PACS1: variants seen among roughly 807,000 people sequenced by gnomAD.
PACS1 encodes the protein PACS-1.
PACS1 carries 24 observed loss-of-function variants against 115.0 expected under a neutral mutation model. The observed-to-expected ratio is 0.21, with a 90% CI of 0.15 to 0.29. The LOEUF is 0.29. PACS1 is among the 10% of genes least tolerant of loss of function. The pLI is 1.00. For missense variants in PACS1, 838 were observed against 1,251.2 expected, an observed-to-expected ratio of 0.67 and a Z score of 4.98; for synonymous variants, 453 against 504.5, an observed-to-expected ratio of 0.90 and a Z score of 1.37.
At chr11:66,157,196 C>G (rs986898820) in intron 1 of PACS1, among the ~76,000 whole-genome samples, 2 of 152,126 alleles carry the variant, frequency 1.3e-5, no homozygotes, top group Non-Finnish European at 2.9e-5. Context: ...CCCTCCCCAA[C>G]CCCACTAAAA....
intron 1 of PACS1, chr11:66,121,178 C>G: frequency 2.3e-6 from 1 of 428,700 alleles, no homozygotes; most frequent in Admixed American, 2.5e-5. Flanking sequence ...GTGTTGGTTA[C>G]GGTGATCAGT....
chr11:66,241,806 C>T (rs1448218058), intron 22 of PACS1, among the ~76,000 whole-genome samples, 153 bp downstream of exon 22: 1 of 152,228 alleles, frequency 6.6e-6, no homozygotes, highest in Non-Finnish European at 1.5e-5. Context: ...CCCACCTCCC[C>T]TCGAGGGACA....
At chr11:66,194,314 T>C (rs1854600115) in intron 2 of PACS1, among the ~76,000 whole-genome samples, 1 of 152,216 alleles carries the variant, frequency 6.6e-6, no homozygotes, top group South Asian at 2.1e-4. Context: ...GATTGTTATT[T>C]CAGACTTGGC....
In PACS1 at chr11:66,219,813, C is replaced by T. The variant is rs1452491283; in HGVS notation, c.1038+8C>T. The T allele has an allele frequency of 1.5e-5, 24 of 1,600,608 alleles. No homozygotes were observed. The highest frequency in any genetic ancestry group is 2.0e-5 in the Non-Finnish European group (23 of 1,167,756). ...TTTAAAGTTTCAGATGAGGTATGGC[C>T]TCTTACTCCCAAGGTTAATGGTGAG... On this transcript the variant is annotated splice_region_variant and intron_variant, in intron 8 of 23. Transcript: ENST00000320580.
intron 1 of PACS1, among the ~76,000 whole-genome samples, chr11:66,169,730 T>C (rs1423484553): frequency 6.7e-6 from 1 of 150,120 alleles, no homozygotes; most frequent in Non-Finnish European, 1.5e-5. Flanking sequence ...TTAAATACAT[T>C]ATTTGTTTTG....
At chr11:66,112,588 C>T (rs764208707) in intron 1 of PACS1, among the ~76,000 whole-genome samples, 1 of 152,202 alleles carries the variant, frequency 6.6e-6, no homozygotes, top group Non-Finnish European at 1.5e-5. Flanking sequence ...ATATCTGTCT[C>T]GTTCATGACT....
chr11:66,152,846 A>G (rs1242676281), intron 1 of PACS1, among the ~76,000 whole-genome samples: 1 of 152,240 alleles, frequency 6.6e-6, no homozygotes, highest in Non-Finnish European at 1.5e-5. Context: ...GGAACAGTAT[A>G]GTCAAATACT....
intron 1 of PACS1, among the ~76,000 whole-genome samples, chr11:66,129,471 T>TATTATG (rs1858655650): frequency 6.7e-6 from 1 of 148,266 alleles, no homozygotes; most frequent in Admixed American, 6.8e-5. Flanking sequence ...TTATTATTAT[T>TATTATG]ATTATTATTA....
chr11:66,147,617 G>A (rs1259685495), intron 1 of PACS1, among the ~76,000 whole-genome samples: 4 of 152,124 alleles, frequency 2.6e-5, no homozygotes, highest in African/African-American at 9.7e-5. Flanking sequence ...TTTTCTAAAT[G>A]GTAATTGACA....
chr11:66,174,903 C>T (rs1045816404), intron 1 of PACS1, among the ~76,000 whole-genome samples: 1 of 152,186 alleles, frequency 6.6e-6, no homozygotes, highest in African/African-American at 2.4e-5. Context: ...GTAATCCCAT[C>T]ACTTTGGGAG....
chr11:66,209,026 A>G lies in PACS1; in HGVS notation c.445-1336A>G, dbSNP rs377685581. On this transcript the variant is annotated intron_variant, in intron 2 of 23. Transcript: ENST00000320580. ...ATTTGTGTGCTGGGAATCATACTGA[A>G]CAAGACATATCTTTGTCTCATGGAT... is the stretch of plus-strand genomic sequence containing the variant. 7.9e-5 allele frequency among the ~76,000 whole-genome samples: 12 copies of G among 152,306 alleles called. No homozygotes were observed. The South Asian group carries it at 2.5e-3, about 32-fold the overall frequency.
intron 4 of PACS1, among the ~76,000 whole-genome samples, chr11:66,211,579 C>T (rs1032308746): frequency 1.3e-5 from 2 of 152,116 alleles, no homozygotes; most frequent in African/African-American, 4.8e-5. Context: ...AACATATCAC[C>T]ACATTTCATA....
chr11:66,198,833 A>G (rs1854706186), intron 2 of PACS1, among the ~76,000 whole-genome samples: 1 of 152,206 alleles, frequency 6.6e-6, no homozygotes, highest in South Asian at 2.1e-4. Context: ...TGGGGAACAT[A>G]TATTTTTCAT....
At chr11:66,146,361 A>T (rs10896085) in intron 1 of PACS1, among the ~76,000 whole-genome samples, 31,285 of 152,104 alleles carry the variant, frequency 0.21, 3,306 homozygotes, top group Middle Eastern at 0.28. Flanking sequence ...TAAAACAGAA[A>T]CTGTAAAAAA....
chr11:66,214,227 T>C (rs1855145276), intron 4 of PACS1, among the ~76,000 whole-genome samples: 1 of 152,104 alleles, frequency 6.6e-6, no homozygotes, highest in African/African-American at 2.4e-5. Flanking sequence ...ATAGAAAATT[T>C]GAGATAGTTC....
At chr11:66,073,594 G>A (rs189634287) in intron 1 of PACS1, among the ~76,000 whole-genome samples, 80 of 152,292 alleles carry the variant, frequency 5.3e-4, no homozygotes, top group African/African-American at 1.9e-3. Flanking sequence ...ATAAAGAGCA[G>A]TGTAGTTGTT....
chr11:66,207,282 C>T lies in PACS1; in HGVS notation c.445-3080C>T, dbSNP rs192662285. 8.5e-5 allele frequency among the ~76,000 whole-genome samples: 13 copies of T among 152,252 alleles called. 1 individual carries two copies. Among genetic ancestry groups the T allele is most frequent in the Admixed American group, 6.5e-4 (10 of 15,284 alleles). ...AGGAGTTCAAGGCCAGCCTGGCCAA[C>T]ATGATAAAACCTCATCTCTACTAAA... On this transcript the variant is annotated intron_variant, in intron 2 of 23. Transcript: ENST00000320580.
intron 1 of PACS1, among the ~76,000 whole-genome samples, chr11:66,164,332 A>G (rs1859552119): frequency 6.6e-6 from 1 of 152,050 alleles, no homozygotes; most frequent in African/African-American, 2.4e-5. Context: ...AAAATAGCAC[A>G]GTGACCCTGG....
rs371974512 is a variant in PACS1 at position 66,233,085 on chromosome 11, C to T, written c.1838+19C>T. The stretch of plus-strand genomic sequence containing the variant: ...AGCGCTAGTAAGGGCTCTGGCCTCC[C>T]TTCTCCTGCCCTTAGAGATTCCCTC... On this transcript the variant is annotated intron_variant, in intron 15 of 23. Coordinates refer to ENST00000320580, the MANE Select transcript of PACS1 (RefSeq NM_018026.4). The surrounding 1 kb of genome is among the most constrained non-coding windows in gnomAD (Gnocchi z 4.5). The T allele has an allele frequency of 1.4e-5, 22 of 1,545,080 alleles. No homozygotes were observed. The African/African-American group carries it at 2.4e-4, about 17-fold the overall frequency.
Sources: allele counts gnomAD v4.1 joint callset (sites outside exome capture counted in the v4.1 genomes callset), GRCh38; gene constraint gnomAD v4.1.1; non-coding constraint Gnocchi (gnomAD v3.1); transcripts MANE v1.5; gene names NCBI Gene and HGNC (gene_info 2026-07-23, HGNC 2026-07-21).